SPATA6: variants seen among roughly 807,000 people sequenced by gnomAD.
SPATA6 encodes the protein spermatogenesis-associated protein 6.
A neutral mutation model predicts 65.3 loss-of-function variants in SPATA6; 56 were observed. That is an observed-to-expected ratio of 0.86 (90% CI 0.69 to 1.07). The LOEUF (loss-of-function observed/expected upper bound fraction) is 1.07. Ranked by LOEUF, SPATA6 falls within the 50% of genes least tolerant of loss-of-function variation. The probability of loss-of-function intolerance (pLI) is 0.00; values close to 1 mark genes in which losing one functional copy is unlikely to be tolerated. For synonymous variants in SPATA6, 199 were observed against 213.2 expected (o/e 0.93, Z 0.58); for missense variants, 590 against 594.8 (o/e 0.99, Z 0.08).
At chr1:48,363,717 T>A (rs1001590065) in intron 9 of SPATA6, among the ~76,000 whole-genome samples, 1 of 151,926 alleles carries the variant, frequency 6.6e-6, no homozygotes, top group African/African-American at 2.4e-5. Context: ...ACTAATATTT[T>A]TAAACTAATC....
At chr1:48,469,829 G>A (rs369159363) in intron 1 of SPATA6, among the ~76,000 whole-genome samples, 1 of 151,860 alleles carries the variant, frequency 6.6e-6, no homozygotes, top group Non-Finnish European at 1.5e-5. Flanking sequence ...GGTCAGGGGC[G>A]TTGTTTGTTT....
At chr1:48,410,281 T>C (rs1329272846) in intron 5 of SPATA6, among the ~76,000 whole-genome samples, 6 of 152,202 alleles carry the variant, frequency 3.9e-5, no homozygotes, top group African/African-American at 1.4e-4. Context: ...GTCACCCTTA[T>C]TCCAGTTCCC....
chr1:48,326,377 C>A (rs1457194098), intron 11 of SPATA6, among the ~76,000 whole-genome samples: 2 of 151,994 alleles, frequency 1.3e-5, no homozygotes, highest in Non-Finnish European at 2.9e-5. Context: ...GGAAAAACAT[C>A]CCATGCTCAT....
At chr1:48,437,197 G>A (rs1370084143) in intron 3 of SPATA6, 1 of 1,611,752 alleles carries the variant, frequency 6.2e-7, no homozygotes, top group African/African-American at 1.3e-5. Flanking sequence ...TTTTCCTGAT[G>A]AAAAAGACTC....
At position 48,311,709 on chromosome 1, in the gene SPATA6, C is replaced by T. The variant is rs546222340; in HGVS notation, c.1195-5831G>A. On this transcript the variant is annotated intron_variant, in intron 11 of 12. Coordinates refer to ENST00000371847, the MANE Select transcript of SPATA6 (RefSeq NM_019073.4). ...CCAGGTTCATCTCACTAGGGACTGT[C>T]GGACAGTGGGTGCAGGACAGTGGGT... is the stretch of plus-strand genomic sequence containing the variant. Among the ~76,000 whole-genome samples the T allele has an allele frequency of 5.9e-5, 9 of 152,282 alleles. No homozygotes were observed. The East Asian group carries it at 1.4e-3, about 23-fold the overall frequency.
At chr1:48,445,591 C>T (rs1201323036) in intron 3 of SPATA6, among the ~76,000 whole-genome samples, 1 of 128,292 alleles carries the variant, frequency 7.8e-6, no homozygotes. Flanking sequence ...ACCCAGGAGG[C>T]GGAGCTTGCA....
the SPATA6 span, among the ~76,000 whole-genome samples, chr1:48,272,494 G>GTTT: frequency 1.3e-5 from 2 of 152,108 alleles, no homozygotes; most frequent in African/African-American, 4.8e-5. Context: ...CTCCATCCAT[G>GTTT]TAGTCACAAA....
chr1:48,439,664 G>A (rs1457754412), intron 3 of SPATA6, among the ~76,000 whole-genome samples: 4 of 152,172 alleles, frequency 2.6e-5, no homozygotes, highest in Admixed American at 1.3e-4. Context: ...CAAAACCACC[G>A]GCGTTTTTTT....
chr1:48,325,676 A>G, intron 11 of SPATA6: 1 of 603,294 alleles, frequency 1.7e-6, no homozygotes, highest in East Asian at 3.3e-5. Flanking sequence ...TAAGCCCCTG[A>G]GTTAATCATC....
chr1:48,434,208 C>T (rs1290679922), intron 3 of SPATA6, among the ~76,000 whole-genome samples: 1 of 127,170 alleles, frequency 7.9e-6, no homozygotes, highest in Non-Finnish European at 1.6e-5. Flanking sequence ...CCTTGGATAT[C>T]AAACGCATAG....
chr1:48,300,866 T>G (rs1158507357), intron 12 of SPATA6, among the ~76,000 whole-genome samples: 1 of 151,976 alleles, frequency 6.6e-6, no homozygotes, highest in Admixed American at 6.6e-5. Context: ...CAACATCCAC[T>G]CATAATAAAA....
At chr1:48,372,826 TC>T (rs1227255588) in intron 9 of SPATA6, among the ~76,000 whole-genome samples, 1 of 152,364 alleles carries the variant, frequency 6.6e-6, no homozygotes, top group East Asian at 1.9e-4. Context: ...GCTTGGGGCT[TC>T]CACCCTCTGA....
chr1:48,355,139 T>C (rs1271414445), intron 11 of SPATA6, among the ~76,000 whole-genome samples: 1 of 152,162 alleles, frequency 6.6e-6, no homozygotes, highest in African/African-American at 2.4e-5. Flanking sequence ...GTCATTTATA[T>C]GAATGCTTAT....
intron 3 of SPATA6, among the ~76,000 whole-genome samples, chr1:48,450,024 C>T (rs753384252): frequency 2.0e-4 from 31 of 151,806 alleles, no homozygotes; most frequent in Admixed American, 8.5e-4. Context: ...ATTATAAACT[C>T]GCTCATTTTT....
At chr1:48,452,814 C>A (rs1162087329) in intron 2 of SPATA6, among the ~76,000 whole-genome samples, 180 bp downstream of exon 2, 1 of 152,186 alleles carries the variant, frequency 6.6e-6, no homozygotes, top group African/African-American at 2.4e-5. Flanking sequence ...AAAAAGGCAA[C>A]TGATTCAATG....
At chr1:48,275,337 CT>C in the SPATA6 span, among the ~76,000 whole-genome samples, 1 of 152,226 alleles carries the variant, frequency 6.6e-6, no homozygotes, top group African/African-American at 2.4e-5. Context: ...TTATTTCTTT[CT>C]CTTGCCTGAT....
chr1:48,421,089 T>G (rs554383417), intron 3 of SPATA6, among the ~76,000 whole-genome samples: 54 of 152,112 alleles, frequency 3.6e-4, no homozygotes, highest in Admixed American at 3.9e-4. Flanking sequence ...AGTACAAGAT[T>G]ACAGTTAGAT....
intron 3 of SPATA6, among the ~76,000 whole-genome samples, chr1:48,422,992 GTAATACTAAACAGCAT>G (rs1653491535): frequency 6.6e-6 from 1 of 152,058 alleles, no homozygotes; most frequent in East Asian, 1.9e-4. Context: ...CTCATACAAT[GTAATACTAAACAGCAT>G]TAAAGAATGA....
At chr1:48,319,791 G>A (rs191610920) in intron 11 of SPATA6, among the ~76,000 whole-genome samples, 136 of 152,208 alleles carry the variant, frequency 8.9e-4, no homozygotes, top group Admixed American at 5.3e-3. Flanking sequence ...TCAAGCCCAG[G>A]TGGAATCCCA....
Sources: allele counts gnomAD v4.1 joint callset (sites outside exome capture counted in the v4.1 genomes callset), GRCh38; gene constraint gnomAD v4.1.1; transcripts MANE v1.5; gene names NCBI Gene and HGNC (gene_info 2026-07-23, HGNC 2026-07-21).